Variants in GRM8 observed in about 807,000 individuals in gnomAD.
GRM8 encodes the protein metabotropic glutamate receptor 8.
Under a neutral mutation model 87.2 loss-of-function variants are expected in GRM8, and 47 were observed. The ratio of observed to expected loss-of-function variants is 0.54; its 90% CI spans 0.43 to 0.69. The LOEUF (loss-of-function observed/expected upper bound fraction) is 0.69, where lower values mean the gene tolerates loss of function less well. GRM8 is among the 30% of genes least tolerant of loss of function. The pLI, the probability that GRM8 is intolerant of heterozygous loss-of-function variation, is 0.00. For synonymous variants in GRM8, 396 were observed against 404.5 expected, an observed-to-expected ratio of 0.98 and a Z score of 0.25; for missense variants, 1,019 against 1,139.2, an observed-to-expected ratio of 0.89 and a Z score of 1.52.
intron 6 of GRM8, among the ~76,000 whole-genome samples, chr7:126,821,091 G>A (rs748323142): frequency 2.0e-5 from 3 of 152,204 alleles, no homozygotes; most frequent in Non-Finnish European, 4.4e-5. Flanking sequence ...GACGGAGCAA[G>A]ACTCTGTCTC....
chr7:126,442,636 A>G (rs1005902455), intron 10 of GRM8, among the ~76,000 whole-genome samples: 10 of 152,050 alleles, frequency 6.6e-5, no homozygotes, highest in Admixed American at 1.3e-4. Flanking sequence ...CTTGAACAAT[A>G]AAGTTTTCAG....
chr7:126,587,257 A>T (rs1796231319), intron 8 of GRM8, among the ~76,000 whole-genome samples: 1 of 152,220 alleles, frequency 6.6e-6, no homozygotes, highest in Admixed American at 6.5e-5. Flanking sequence ...ACCATTGTGG[A>T]AGTCAGTGTG....
intron 7 of GRM8, among the ~76,000 whole-genome samples, chr7:126,718,234 AAAT>A (rs576311573): frequency 2.0e-5 from 3 of 151,728 alleles, no homozygotes; most frequent in Non-Finnish European, 2.9e-5. Flanking sequence ...TCTGTCTCAA[AAAT>A]AATAATAATA....
In GRM8 at chr7:127,245,705, T is replaced by G. The variant is rs147878703; in HGVS notation, c.-311-2190A>C. On this transcript the variant is annotated intron_variant, in intron 1 of 10. Transcript: ENST00000339582. ...GCAGTGAGGCAGGAATCAGTTTTGT[T>G]TAGTGGCTGAATGCACTGAAATGGA... is the stretch of plus-strand genomic sequence containing the variant. Among the ~76,000 whole-genome samples, 98 of 152,372 alleles carry G rather than the reference T, an allele frequency of 6.4e-4. 4 individuals are homozygous for G. The East Asian group carries it at 0.018, about 28-fold the overall frequency.
intron 6 of GRM8, among the ~76,000 whole-genome samples, chr7:126,876,125 C>G (rs1249809545): frequency 1.3e-5 from 2 of 152,172 alleles, no homozygotes; most frequent in African/African-American, 4.8e-5. Flanking sequence ...TGCTGAGCTG[C>G]CCTTCTCTGT....
chr7:126,823,202 C>T lies in GRM8; in HGVS notation c.1157-53137G>A, dbSNP rs962991210. ...TCATATAACTGACACATAAGCTGACCACAAAAGAAAAGCTTCTATTTTAAA... is the reference window on the plus strand; with the variant it reads ...TCATATAACTGACACATAAGCTGACTACAAAAGAAAAGCTTCTATTTTAAA... On this transcript the variant is annotated intron_variant, in intron 6 of 10. Transcript: ENST00000339582. Among the ~76,000 whole-genome samples the T allele has an allele frequency of 1.6e-4, 24 of 152,160 alleles. 1 individual carries two copies. Among genetic ancestry groups the T allele is most frequent in the Non-Finnish European group, 4.4e-5 (3 of 68,024 alleles).
intron 2 of GRM8, among the ~76,000 whole-genome samples, chr7:127,168,550 C>T (rs1488881436): frequency 6.6e-6 from 1 of 152,170 alleles, no homozygotes; most frequent in Non-Finnish European, 1.5e-5. Context: ...GACACATTCA[C>T]ATGCACACAT....
Position 126,446,829 on chromosome 7 carries a change from C to G in GRM8, c.2431-457G>C, listed in dbSNP as rs146490766. ...GCAACATTCCAGAACATCACTATTA[C>G]ACACCTGTGCTTGAATAATGCTAGT... On this transcript the variant is annotated intron_variant, in intron 9 of 10. Transcript: ENST00000339582. 2.3e-4 allele frequency among the ~76,000 whole-genome samples: 35 copies of G among 151,966 alleles called. 1 individual carries two copies. The East Asian group carries it at 5.7e-3, about 25-fold the overall frequency.
At chr7:126,870,027 T>C (rs1798956153) in intron 6 of GRM8, 1 of 150,662 alleles carries the variant, frequency 6.6e-6, no homozygotes, top group South Asian at 2.1e-4. Flanking sequence ...TGATCAATGC[T>C]CCTGGCTAGG....
chr7:126,832,377 G>T (rs780456034), intron 6 of GRM8, among the ~76,000 whole-genome samples: 1 of 152,000 alleles, frequency 6.6e-6, no homozygotes, highest in Non-Finnish European at 1.5e-5. Context: ...CATTGTAAAT[G>T]CCTTTTCTTT....
At chr7:126,682,761 A>G (rs1807742637) in intron 7 of GRM8, among the ~76,000 whole-genome samples, 1 of 152,210 alleles carries the variant, frequency 6.6e-6, no homozygotes, top group Non-Finnish European at 1.5e-5. Flanking sequence ...TTACAGAAAA[A>G]GTGTGTGGGC....
At chr7:126,689,359 G>T (rs2896375) in intron 7 of GRM8, among the ~76,000 whole-genome samples, 2 of 152,114 alleles carry the variant, frequency 1.3e-5, no homozygotes, top group Non-Finnish European at 2.9e-5. Context: ...CTGTAAAAGA[G>T]GAATTATGCC....
At chr7:126,557,592 A>G (rs1562953638) in intron 8 of GRM8, among the ~76,000 whole-genome samples, 2 of 152,222 alleles carry the variant, frequency 1.3e-5, no homozygotes, top group Non-Finnish European at 2.9e-5. Context: ...ATTCACTGTG[A>G]GTAAAGAATT....
At chr7:126,602,962 T>C (rs1434797402) in intron 8 of GRM8, among the ~76,000 whole-genome samples, 1 of 140,458 alleles carries the variant, frequency 7.1e-6, no homozygotes, top group East Asian at 2.3e-4. Context: ...ATATCCTTGA[T>C]GAACATTGAT....
At chr7:127,172,916 TC>T (rs1445388557) in intron 2 of GRM8, among the ~76,000 whole-genome samples, 4 of 152,200 alleles carry the variant, frequency 2.6e-5, no homozygotes, top group Non-Finnish European at 5.9e-5. Flanking sequence ...ACTTTTTGTC[TC>T]ATACAAGCTT....
chr7:126,787,248 T>C (rs2151658378), intron 6 of GRM8, among the ~76,000 whole-genome samples: 1 of 152,282 alleles, frequency 6.6e-6, no homozygotes, highest in East Asian at 1.9e-4. Context: ...CACCAACAAG[T>C]TTCATGTGTG....
chr7:127,062,005 G>A (rs761987185), intron 3 of GRM8, among the ~76,000 whole-genome samples: 7 of 152,058 alleles, frequency 4.6e-5, no homozygotes, highest in African/African-American at 1.2e-4. Context: ...GCTGCCAGGC[G>A]TGGTGATGTG....
At chr7:127,246,924 T>C (rs1230226822) in intron 1 of GRM8, among the ~76,000 whole-genome samples, 1 of 152,218 alleles carries the variant, frequency 6.6e-6, no homozygotes, top group African/African-American at 2.4e-5. Flanking sequence ...GAGCGTGAGC[T>C]GATAAGTGGC....
chr7:126,819,718 GA>G (rs1261381494), intron 6 of GRM8, among the ~76,000 whole-genome samples: 1 of 151,826 alleles, frequency 6.6e-6, no homozygotes, highest in Non-Finnish European at 1.5e-5. Context: ...ATACATTCTA[GA>G]AATATTAACA....
Sources: allele counts gnomAD v4.1 joint callset (sites outside exome capture counted in the v4.1 genomes callset), GRCh38; gene constraint gnomAD v4.1.1; transcripts MANE v1.5; gene names NCBI Gene and HGNC (gene_info 2026-07-23, HGNC 2026-07-21).